Variants in BMPR1B observed in about 807,000 individuals in gnomAD.
The protein encoded by BMPR1B is bone morphogenetic protein receptor type 1B, also known as bone morphogenetic protein receptor type-1B.
BMPR1B carries 12 observed loss-of-function variants against 59.1 expected under a neutral mutation model. The ratio of observed to expected loss-of-function variants is 0.20; its 90% confidence interval spans 0.13 to 0.33. BMPR1B has a LOEUF of 0.33. Among genes scored for constraint, BMPR1B ranks in the 10% least tolerant of loss-of-function variants. BMPR1B has a pLI of 1.00. For synonymous variants in BMPR1B, 237 were observed against 207.3 expected, an observed-to-expected ratio of 1.14 and a Z score of -1.23; for missense variants, 550 against 610.9, an observed-to-expected ratio of 0.90 and a Z score of 1.05.
intron 9 of BMPR1B, 92 bp from the exon 10 acceptor site, chr4:95,131,123 A>C (rs1239849149): frequency 2.9e-5 from 39 of 1,359,628 alleles, no homozygotes; most frequent in Non-Finnish European, 3.8e-5. Flanking sequence ...CTAAACAAAA[A>C]TTATCTATGA....
chr4:94,936,206 T>C (rs1035060268), intron 2 of BMPR1B, among the ~76,000 whole-genome samples: 5 of 152,130 alleles, frequency 3.3e-5, no homozygotes, highest in African/African-American at 1.2e-4. Context: ...CTCACAGAAA[T>C]TAAATCATTA....
At chr4:95,139,739 G>A (rs1342599522) in intron 10 of BMPR1B, among the ~76,000 whole-genome samples, 4 of 152,184 alleles carry the variant, frequency 2.6e-5, no homozygotes, top group East Asian at 1.9e-4. Flanking sequence ...GGAGCCATGC[G>A]CGGGATATAA....
intron 1 of BMPR1B, among the ~76,000 whole-genome samples, chr4:94,805,905 G>A (rs942808491): frequency 6.6e-6 from 1 of 152,072 alleles, no homozygotes; most frequent in African/African-American, 2.4e-5. Flanking sequence ...AATAAATATG[G>A]ATCTAGAAAA....
chr4:94,848,606 GT>G, intron 1 of BMPR1B, among the ~76,000 whole-genome samples: 1 of 122,848 alleles, frequency 8.1e-6, no homozygotes, highest in East Asian at 2.2e-4. Context: ...AAGGACTTTA[GT>G]TTTTATTTTT....
chr4:95,064,685 A>G (rs1264533245), intron 3 of BMPR1B, among the ~76,000 whole-genome samples: 1 of 152,196 alleles, frequency 6.6e-6, no homozygotes, highest in Non-Finnish European at 1.5e-5. Flanking sequence ...CAAATTAATA[A>G]TAAAAAGAAA....
chr4:94,802,392 G>GT (rs1055289773), intron 1 of BMPR1B, among the ~76,000 whole-genome samples: 1 of 152,084 alleles, frequency 6.6e-6, no homozygotes, highest in Admixed American at 6.6e-5. Flanking sequence ...TGTTTGTTTT[G>GT]TTTTTTAGGG....
chr4:95,096,832 ATATATAAATATATAGG>A (rs1388606601), intron 3 of BMPR1B, among the ~76,000 whole-genome samples: 1 of 141,150 alleles, frequency 7.1e-6, no homozygotes, highest in Non-Finnish European at 1.5e-5. Context: ...ATTTATATTT[ATATATAAATATATAGG>A]TATATAAATA....
In BMPR1B at chr4:95,051,573, C is replaced by T. The variant is rs1006317717; in HGVS notation, c.-17-52835C>T. 21 of 815,796 alleles carry T rather than the reference C, an allele frequency of 2.6e-5. No individual in the cohort carries two copies. In the Admixed American group the frequency reaches 3.4e-4, roughly 13 times the overall value. The allele number at this position is 815,796 out of a possible 1,614,324, so 50.5% of individuals were successfully genotyped here. A position where few individuals can be genotyped will look rare whatever the true frequency, so the allele number is the denominator to read the frequency against. On this transcript the variant is annotated intron_variant, in intron 3 of 12. Transcript: ENST00000515059. ...AGGCTTGTCTTTCACGGTCCTGTCTCAGGGTTGCTGGCAGGCTTGCGAGAA... is the reference window on the plus strand; with the variant it reads ...AGGCTTGTCTTTCACGGTCCTGTCTTAGGGTTGCTGGCAGGCTTGCGAGAA...
chr4:95,130,190 G>A (rs1210928804), intron 9 of BMPR1B, 136 bp downstream of exon 9: 3 of 1,050,118 alleles, frequency 2.9e-6, no homozygotes, highest in Non-Finnish European at 4.3e-6. Flanking sequence ...ATGGGCCCAA[G>A]AACATCATAA....
At chr4:94,762,715 C>G (rs1721825512) in intron 1 of BMPR1B, among the ~76,000 whole-genome samples, 1 of 152,040 alleles carries the variant, frequency 6.6e-6, no homozygotes, top group Non-Finnish European at 1.5e-5. Context: ...AGCAAGAGTA[C>G]CTGAATAAGG....
intron 2 of BMPR1B, among the ~76,000 whole-genome samples, chr4:94,993,266 C>G (rs1309525953): frequency 6.6e-6 from 1 of 152,014 alleles, no homozygotes; most frequent in East Asian, 1.9e-4. Flanking sequence ...GAATCAGTGT[C>G]TAGATTATCC....
intron 3 of BMPR1B, among the ~76,000 whole-genome samples, chr4:95,022,654 T>A (rs1033954884): frequency 6.6e-5 from 10 of 152,146 alleles, no homozygotes; most frequent in Admixed American, 6.6e-4. Context: ...AAAATATTTT[T>A]ATTTTTATTA....
chr4:94,938,534 C>T (rs1729400797), intron 2 of BMPR1B, among the ~76,000 whole-genome samples: 1 of 151,868 alleles, frequency 6.6e-6, no homozygotes, highest in Non-Finnish European at 1.5e-5. Context: ...GGTCCAGAAT[C>T]ACTTAGATGT....
intron 1 of BMPR1B, among the ~76,000 whole-genome samples, chr4:94,803,267 G>A (rs1414647779): frequency 6.6e-6 from 1 of 152,152 alleles, no homozygotes; most frequent in African/African-American, 2.4e-5. Context: ...CCTCTGAGAA[G>A]CTTCCTGGCA....
chr4:94,829,190 C>T (rs148007903), intron 1 of BMPR1B, among the ~76,000 whole-genome samples: 123 of 152,214 alleles, frequency 8.1e-4, no homozygotes, highest in African/African-American at 2.7e-3. Flanking sequence ...AAGTAGAATT[C>T]CTGAGGAATT....
chr4:94,823,271 G>A (rs953706474), intron 1 of BMPR1B, among the ~76,000 whole-genome samples: 18 of 152,180 alleles, frequency 1.2e-4, no homozygotes, highest in Admixed American at 1.2e-3. Context: ...TTTGGTTAAA[G>A]CTAGAATGGA....
Position 95,158,226 on chromosome 4 carries a change from A to G in BMPR1B, c.*3553A>G, listed in dbSNP as rs908843639. The G allele has an allele frequency of 6.6e-6, 1 of 152,192 alleles. No homozygotes were observed. The highest frequency in any genetic ancestry group is 2.4e-5 in the African/African-American group (1 of 41,440). 9.4% of individuals were successfully genotyped at this position (152,192 alleles called of 1,614,324 possible). On this transcript the variant is annotated 3_prime_UTR_variant, in exon 13 of 13. Transcript: ENST00000515059. ...TAAAACAAAACAAAAAAACAATGCCATATTTTTTGGAGAAAAGTTGGCAAT... is the reference window on the plus strand; with the variant it reads ...TAAAACAAAACAAAAAAACAATGCCGTATTTTTTGGAGAAAAGTTGGCAAT...
chr4:95,088,709 A>T (rs1260052580), intron 3 of BMPR1B, among the ~76,000 whole-genome samples: 2 of 152,162 alleles, frequency 1.3e-5, no homozygotes, highest in Non-Finnish European at 2.9e-5. Context: ...AAACTAAAAA[A>T]CTTCAATTGT....
At chr4:95,075,415 C>G (rs1162419658) in intron 3 of BMPR1B, among the ~76,000 whole-genome samples, 1 of 152,072 alleles carries the variant, frequency 6.6e-6, no homozygotes, top group Non-Finnish European at 1.5e-5. Context: ...ACTTTATTTT[C>G]ACATGTTGTA....
Sources: gnomAD v4.1 joint callset for allele counts (sites outside exome capture counted in the v4.1 genomes callset) on GRCh38, gnomAD v4.1.1 for gene constraint, MANE v1.5 for transcripts, NCBI Gene and HGNC (gene_info 2026-07-23, HGNC 2026-07-21) for gene names.